The following APPBP2 variants were observed in gnomAD, a reference collection of about 807,000 sequenced individuals.
APPBP2 encodes the protein amyloid beta precursor protein binding protein 2, also known as amyloid protein-binding protein 2.
Under a neutral mutation model 76.0 loss-of-function variants are expected in APPBP2, and 15 were observed. The observed-to-expected ratio is 0.20, with a 90% CI of 0.13 to 0.30. The LOEUF (loss-of-function observed/expected upper bound fraction) is 0.30, where lower values mean the gene tolerates loss of function less well. Ranked by LOEUF, APPBP2 falls within the 10% of genes least tolerant of loss-of-function variation. The pLI is 1.00. For missense variants in APPBP2, 401 were observed against 687.2 expected (o/e 0.58, Z 4.66); for synonymous variants, 222 against 242.2 (o/e 0.92, Z 0.77).
At chr17:60,519,231 G>A (rs978178998) in intron 1 of APPBP2, among the ~76,000 whole-genome samples, 4 of 151,880 alleles carry the variant, frequency 2.6e-5, no homozygotes, top group Admixed American at 2.6e-4. Context: ...CCAAAGTGCT[G>A]GGATTACAGG....
intron 3 of APPBP2, among the ~76,000 whole-genome samples, chr17:60,493,610 A>G (rs1353085870): frequency 6.7e-6 from 1 of 149,048 alleles, no homozygotes; most frequent in Non-Finnish European, 1.5e-5. Context: ...CTAGAATTAC[A>G]GGTGAGAACC....
rs8070616 is a variant in APPBP2, at chr17:60,461,174, A to G, written c.937-387T>C. The stretch of plus-strand genomic sequence containing the variant: ...TGGATCACCTGAGGTCAGTAGTTCA[A>G]GACTAGCCTGGGCAACATGCTGAAA... On this transcript the variant is annotated intron_variant, in intron 8 of 12. Coordinates refer to ENST00000083182, the MANE Select transcript of APPBP2 (RefSeq NM_006380.5). 7.6e-3 allele frequency: 1,185 copies of G among 155,576 alleles called. 14 individuals are homozygous for G. The highest frequency in any genetic ancestry group is 0.027 in the African/African-American group (1,133 of 41,560). The allele number at this position is 155,576 out of a possible 1,614,324, so 9.6% of individuals were successfully genotyped here.
chr17:60,479,930 G>T (rs2143382968), intron 3 of APPBP2, among the ~76,000 whole-genome samples: 1 of 152,250 alleles, frequency 6.6e-6, no homozygotes, highest in South Asian at 2.1e-4. Flanking sequence ...CGTAACAGAT[G>T]AAAACACTTG....
chr17:60,450,615 T>TAA (rs572100853), intron 12 of APPBP2, among the ~76,000 whole-genome samples: 2 of 137,498 alleles, frequency 1.5e-5, no homozygotes, highest in African/African-American at 2.6e-5. Context: ...ATTGAAACAA[T>TAA]AAAAAAAAAA....
intron 1 of APPBP2, chr17:60,513,166 A>G: frequency 2.9e-6 from 1 of 343,978 alleles, no homozygotes; most frequent in Non-Finnish European, 5.4e-6. Flanking sequence ...TGCTACAGTA[A>G]CCTCATCAGC....
At chr17:60,483,358 T>A (rs1488793927) in intron 3 of APPBP2, among the ~76,000 whole-genome samples, 1 of 152,156 alleles carries the variant, frequency 6.6e-6, no homozygotes. Flanking sequence ...ATTGCAAAAA[T>A]TTTCTCCATT....
At chr17:60,512,059 G>C (rs1398721019) in intron 1 of APPBP2, among the ~76,000 whole-genome samples, 1 of 151,438 alleles carries the variant, frequency 6.6e-6, no homozygotes, top group Admixed American at 6.6e-5. Context: ...AAGACTTTTG[G>C]GTGTCTTTTT....
chr17:60,492,650 T>C (rs1360788586), intron 3 of APPBP2, among the ~76,000 whole-genome samples: 1 of 152,210 alleles, frequency 6.6e-6, no homozygotes, highest in Non-Finnish European at 1.5e-5. Flanking sequence ...AGCTCCTTCA[T>C]TTTGGCCAAT....
chr17:60,497,366 G>A (rs1042256206), intron 2 of APPBP2, among the ~76,000 whole-genome samples: 1 of 152,062 alleles, frequency 6.6e-6, no homozygotes, highest in Non-Finnish European at 1.5e-5. Flanking sequence ...AACTGGGAGA[G>A]GGGGGCAAAT....
chr17:60,490,365 A>T (rs1238542216), intron 3 of APPBP2, among the ~76,000 whole-genome samples: 1 of 152,180 alleles, frequency 6.6e-6, no homozygotes, highest in African/African-American at 2.4e-5. Context: ...ATGAATCTAC[A>T]GTCACTTCAA....
intron 1 of APPBP2, among the ~76,000 whole-genome samples, chr17:60,519,112 C>T (rs2090988062): frequency 6.6e-6 from 1 of 150,982 alleles, no homozygotes; most frequent in African/African-American, 2.5e-5. Context: ...CAGGCATGCA[C>T]CACCACACCT....
chr17:60,481,057 T>C (rs1414451924), intron 3 of APPBP2, among the ~76,000 whole-genome samples: 1 of 152,190 alleles, frequency 6.6e-6, no homozygotes, highest in East Asian at 1.9e-4. Context: ...TTGCTCCTCC[T>C]AGAGGTCTAG....
intron 2 of APPBP2, 37 bp downstream of exon 2, chr17:60,500,359 ATGT>A: frequency 7.4e-7 from 1 of 1,347,794 alleles, no homozygotes; most frequent in Non-Finnish European, 1.0e-6. Flanking sequence ...GGTAAATTTT[ATGT>A]TATGTATATT....
At chr17:60,462,283 A>G in intron 6 of APPBP2, 1 of 491,434 alleles carries the variant, frequency 2.0e-6, no homozygotes, top group Non-Finnish European at 3.6e-6. Flanking sequence ...TAAAATTTTG[A>G]CAGTCAGTCC....
intron 6 of APPBP2, among the ~76,000 whole-genome samples, chr17:60,463,393 A>G (rs1313302580): frequency 6.6e-6 from 1 of 152,140 alleles, no homozygotes; most frequent in Admixed American, 6.6e-5. Context: ...GCTTGCCTAG[A>G]ACTTTTGGAG....
rs1490382915 is a variant in APPBP2, at chr17:60,526,095, T to G, written c.-164A>C. ...CGCCCTGCCTCCTCCGGGGGCAAACTGAGGGACGGCGGCAGCGGACGCAGG... is the reference window on the plus strand; with the variant it reads ...CGCCCTGCCTCCTCCGGGGGCAAACGGAGGGACGGCGGCAGCGGACGCAGG... On this transcript the variant is annotated 5_prime_UTR_variant, in exon 1 of 13. Transcript: ENST00000083182. 1.5e-6 allele frequency: 1 copy of G among 649,058 alleles called. No homozygotes were observed. The highest frequency in any genetic ancestry group is 2.6e-6 in the Non-Finnish European group (1 of 381,714). 40.2% of individuals were successfully genotyped at this position (649,058 alleles called of 1,614,324 possible).
intron 1 of APPBP2, among the ~76,000 whole-genome samples, chr17:60,506,739 T>A (rs8071430): frequency 0.082 from 12,537 of 152,040 alleles, 1,706 homozygotes; most frequent in African/African-American, 0.28. Context: ...TTTTCTTTTT[T>A]AAAAAAAACA....
rs2090419195 is a variant in APPBP2 at position 60,454,603 on chromosome 17, T to C, written c.1148-111A>G. 4 of 669,756 alleles carry C rather than the reference T, an allele frequency of 6.0e-6. No homozygotes were observed. The South Asian group carries it at 1.3e-4, about 21-fold the overall frequency. The allele number at this position is 669,756 out of a possible 1,614,324, so 41.5% of individuals were successfully genotyped here. On this transcript the variant is annotated intron_variant, in intron 10 of 12. Coordinates refer to ENST00000083182, the MANE Select transcript of APPBP2 (RefSeq NM_006380.5). ...AATGTTTACTGAATATATTTATATGTGATTATGGTTTGGAACTGGTCAAGA... is the reference window on the plus strand; with the variant it reads ...AATGTTTACTGAATATATTTATATGCGATTATGGTTTGGAACTGGTCAAGA...
At chr17:60,509,565 G>A (rs1480337899) in intron 1 of APPBP2, among the ~76,000 whole-genome samples, 1 of 152,036 alleles carries the variant, frequency 6.6e-6, no homozygotes, top group Non-Finnish European at 1.5e-5. Context: ...CACCTTAGGA[G>A]GCCTAGGCAG....
Sources: gnomAD v4.1 joint callset for allele counts (sites outside exome capture counted in the v4.1 genomes callset) on GRCh38, gnomAD v4.1.1 for gene constraint, MANE v1.5 for transcripts, NCBI Gene and HGNC (gene_info 2026-07-23, HGNC 2026-07-21) for gene names.